PCSK9: variants seen among roughly 807,000 people sequenced by gnomAD.
PCSK9 encodes proprotein convertase subtilisin/kexin type 9.
In PCSK9, 57 loss-of-function variants were observed where a neutral mutation model predicts 62.1. The observed-to-expected ratio is 0.92, with a 90% confidence interval of 0.74 to 1.14. The LOEUF is 1.14. Ranked by LOEUF, PCSK9 falls within the 50% of genes most tolerant of loss-of-function variation. The probability of loss-of-function intolerance (pLI) is 0.00; values close to 1 mark genes in which losing one functional copy is unlikely to be tolerated. For missense variants in PCSK9, 870 were observed against 959.8 expected, an observed-to-expected ratio of 0.91 and a Z score of 1.24; for synonymous variants, 387 against 409.4, an observed-to-expected ratio of 0.95 and a Z score of 0.66.
intron 10 of PCSK9, among the ~76,000 whole-genome samples, chr1:55,060,603 G>A (rs796213013): frequency 5.3e-5 from 8 of 152,198 alleles, no homozygotes; most frequent in East Asian, 1.9e-4. Context: ...CTCTAATCAC[G>A]CTCCCCTTTG....
chr1:55,059,792 G>T, intron 10 of PCSK9, 129 bp downstream of exon 10: 1 of 1,221,860 alleles, frequency 8.2e-7, no homozygotes, highest in Non-Finnish European at 1.1e-6. Flanking sequence ...CCATACTCTG[G>T]TTCTGCCACT....
At chr1:55,053,501 G>A (rs499883) in intron 5 of PCSK9, among the ~76,000 whole-genome samples, 90,540 of 152,010 alleles carry the variant, frequency 0.6, 27,390 homozygotes, top group East Asian at 0.79. Context: ...TGCCAGGGTC[G>A]CACAGCTCAA....
intron 3 of PCSK9, chr1:55,051,003 G>A (rs1644668955): frequency 7.8e-6 from 3 of 385,858 alleles, no homozygotes; most frequent in Non-Finnish European, 1.5e-5. Context: ...GGTGGAGATT[G>A]GAGAAATGTG....
chr1:55,056,009 GA>G lies in PCSK9; in HGVS notation c.820del (p.Ser274AlafsTer73), dbSNP rs746504242. The G allele has an allele frequency of 1.1e-5, 18 of 1,609,758 alleles. No homozygotes were observed. The highest frequency in any genetic ancestry group is 1.4e-5 in the Non-Finnish European group (17 of 1,177,598). On this transcript the variant is annotated frameshift_variant, in exon 6 of 12. Coordinates refer to ENST00000302118, the MANE Select transcript of PCSK9 (RefSeq NM_174936.4). LOFTEE classifies it high-confidence loss of function. ...GTLIGLEFIR[K>X]SQLVQPVGPL... ...TCCTCCCAGGCCTGGAGTTTATTCG[GA>G]AAAGCCAGCTGGTCCAGCCTGTGGG...
In PCSK9 at chr1:55,060,587, G is replaced by A. The variant is rs545205844; in HGVS notation, c.1682-788G>A. 4.6e-5 allele frequency among the ~76,000 whole-genome samples: 7 copies of A among 152,230 alleles called. No individual in the cohort carries two copies. In the East Asian group the frequency reaches 7.7e-4, roughly 17 times the overall value. On this transcript the variant is annotated intron_variant, in intron 10 of 11. Coordinates refer to ENST00000302118, the MANE Select transcript of PCSK9 (RefSeq NM_174936.4). ...GGGGTCCTGGCTTGGAGGGAAGTCC[G>A]CCATGCTCTAATCACGCTCCCCTTT...
chr1:55,052,661 T>A lies in PCSK9; in HGVS notation c.669T>A (p.Cys223Ter). ...GTRFHRQASK[C>*]DSHGTHLAGV... Reference sequence around the variant, plus strand: ...TGTTCGTCGAGCAGGCCAGCAAGTGTGACAGTCATGGCACCCACCTGGCAG... The same window carrying A: ...TGTTCGTCGAGCAGGCCAGCAAGTGAGACAGTCATGGCACCCACCTGGCAG... Residue 223 changes from cysteine to a stop codon, truncating the protein, a stop_gained, in exon 5 of 12, where the codon TGT becomes TGA. Transcript: ENST00000302118. LOFTEE classifies it high-confidence loss of function. The A allele has an allele frequency of 6.2e-7, 1 of 1,613,092 alleles. No individual in the cohort carries two copies. Among genetic ancestry groups the A allele is most frequent in the Non-Finnish European group, 8.5e-7 (1 of 1,179,794 alleles).
chr1:55,056,952 G>T (rs1035912762), intron 6 of PCSK9, among the ~76,000 whole-genome samples: 2 of 152,120 alleles, frequency 1.3e-5, no homozygotes, highest in African/African-American at 4.8e-5. Context: ...GCCTATCAAG[G>T]CTTCCCTGGC....
In PCSK9 at chr1:55,059,554, C is replaced by T. The variant is rs1337578581; in HGVS notation, c.1572C>T (p.Ala524=). The T allele has an allele frequency of 1.3e-6, 2 of 1,558,220 alleles. No homozygotes were observed. Among genetic ancestry groups the T allele is most frequent in the Admixed American group, 3.9e-5 (2 of 51,436 alleles). Reference sequence around the variant, plus strand: ...GGGGTGAGGGTGTCTACGCCATTGCCAGGTGCTGCCTGCTACCCCAGGCCA... The same window carrying T: ...GGGGTGAGGGTGTCTACGCCATTGCTAGGTGCTGCCTGCTACCCCAGGCCA... The part of the protein sequence containing the change: ...AFGGEGVYAI[A]RCCLLPQANC... Residue 524 remains alanine, a synonymous_variant, in exon 10 of 12, where the codon GCC becomes GCT. Transcript: ENST00000302118.
At chr1:55,054,374 T>G (rs1286683892) in intron 5 of PCSK9, among the ~76,000 whole-genome samples, 1 of 151,798 alleles carries the variant, frequency 6.6e-6, no homozygotes, top group African/African-American at 2.4e-5. Context: ...TAGAGCGAGA[T>G]TCCATCTCAA....
intron 6 of PCSK9, among the ~76,000 whole-genome samples, chr1:55,056,552 C>A (rs1644716764): frequency 6.6e-6 from 1 of 152,206 alleles, no homozygotes; most frequent in Admixed American, 6.5e-5. Context: ...GCGTCCTCTG[C>A]CCAATACTCT....
Position 55,040,011 on chromosome 1 carries a change from CG to C in PCSK9, c.176del (p.Gly59GlufsTer24). 6.3e-7 allele frequency: 1 copy of C among 1,576,428 alleles called. No homozygotes were observed. Among genetic ancestry groups the C allele is most frequent in the Non-Finnish European group, 8.6e-7 (1 of 1,161,710 alleles). On this transcript the variant is annotated frameshift_variant, in exon 1 of 12. Transcript: ENST00000302118. LOFTEE classifies it high-confidence loss of function. The surrounding 1 kb of genome is among the most constrained non-coding windows in gnomAD (Gnocchi z 4.1). Reference protein sequence around the residue: ...EDGLAEAPEHGTTATFHRCAK... With the variant: ...EDGLAEAPEHXTTATFHRCAK... ...ACGGCCTGGCCGAAGCACCCGAGCA[CG>C]GAACCACAGCCACCTTCCACCGCTG...
rs553478757 is a variant in PCSK9 at position 55,045,771 on chromosome 1, C to T, written c.400-752C>T. On this transcript the variant is annotated intron_variant, in intron 2 of 11. Transcript: ENST00000302118. ...GTGCCATATCTGCACCTCTGCCTCC[C>T]GGGTTCAAGCTCACTGCAACCTCTG... 5.3e-5 allele frequency among the ~76,000 whole-genome samples: 8 copies of T among 151,752 alleles called. 1 individual carries two copies. The highest frequency in any genetic ancestry group is 6.8e-3 in the Middle Eastern group (2 of 294).
chr1:55,041,079 C>G (rs929911725), intron 1 of PCSK9, among the ~76,000 whole-genome samples: 1 of 152,202 alleles, frequency 6.6e-6, no homozygotes, highest in South Asian at 2.1e-4. Flanking sequence ...AGGTGACAAT[C>G]GTCCCTACGG....
chr1:55,058,508 T>A lies in PCSK9; in HGVS notation c.1364T>A (p.Leu455Gln). ...PPSTHGAGWQ[L>Q]FCRTVWSAHS... ...CAGGCCCTTTTTGCAGGTTGGCAGC[T>A]GTTTTGCAGGACTGTATGGTCAGCA... The change falls in exon 9 of 12, where the codon CTG becomes CAG. Residue 455 changes from leucine (L) to glutamine (Q), a missense_variant. Physicochemically the swap from Leu to Gln is moderately radical, Grantham distance 113 (BLOSUM62 -2). Coordinates refer to ENST00000302118, the MANE Select transcript of PCSK9 (RefSeq NM_174936.4). The A allele has an allele frequency of 6.2e-7, 1 of 1,612,194 alleles. No homozygotes were observed. Among genetic ancestry groups the A allele is most frequent in the Non-Finnish European group, 8.5e-7 (1 of 1,180,024 alleles).
rs1284837929 is a variant in PCSK9 at position 55,056,055 on chromosome 1, C to A, written c.862C>A (p.Pro288Thr). ...QPVGPLVVLL[P>T]LAGGYSRVLN... ...TGTGGGGCCACTGGTGGTGCTGCTG[C>A]CCCTGGCGGGTGGGTACAGCCGCGT... The change falls in exon 6 of 12, where the codon CCC becomes ACC. Residue 288 changes from proline to threonine, a missense_variant. Pro to Thr is a conservative substitution (Grantham distance 38, BLOSUM62 -1). Transcript: ENST00000302118. 1 of 1,608,022 alleles carries A rather than the reference C, an allele frequency of 6.2e-7. No individual in the cohort carries two copies. Among genetic ancestry groups the A allele is most frequent in the Non-Finnish European group, 8.5e-7 (1 of 1,176,428 alleles).
Position 55,059,493 on chromosome 1 carries a change from G to T in PCSK9, c.1511G>T (p.Gly504Val). 1 of 1,564,138 alleles carries T rather than the reference G, an allele frequency of 6.4e-7. No individual in the cohort carries two copies. Reference protein sequence around the residue: ...KRRGERMEAQGGKLVCRAHNA... With the variant: ...KRRGERMEAQVGKLVCRAHNA... ...TCCGTCTTTGACTCTAAGGCCCAAG[G>T]GGGCAAGCTGGTCTGCCGGGCCCAC... is the stretch of plus-strand genomic sequence containing the variant. Residue 504 changes from glycine (G) to valine (V), a missense_variant, in exon 10 of 12, where the codon GGG (glycine) becomes GTG (valine). Coordinates refer to ENST00000302118, the MANE Select transcript of PCSK9 (RefSeq NM_174936.4).
At chr1:55,054,674 C>T (rs1333057510) in intron 5 of PCSK9, among the ~76,000 whole-genome samples, 1 of 152,222 alleles carries the variant, frequency 6.6e-6, no homozygotes, top group Non-Finnish European at 1.5e-5. Context: ...AGTCTCCAGG[C>T]CACTGGGCCA....
chr1:55,063,369 G>A lies in PCSK9; in HGVS notation c.1864G>A (p.Val622Met), dbSNP rs1644776892. The A allele has an allele frequency of 6.2e-7, 1 of 1,613,408 alleles. No individual in the cohort carries two copies. The highest frequency in any genetic ancestry group is 1.3e-5 in the African/African-American group (1 of 74,930). ...CTTTCTTTTCCTCGGGCTCTGGCAG[G>A]TGACCGTGGCCTGCGAGGAGGGCTG... is the stretch of plus-strand genomic sequence containing the variant. ...EHGIPAPQEQ[V>M]TVACEEGWTL... is the part of the protein sequence containing the mutation. The change falls in exon 12 of 12, where the codon GTG (valine) becomes ATG (methionine). Residue 622 changes from valine (V) to methionine (M), a missense_variant and splice_region_variant. By Grantham distance (21) the Val-to-Met change is conservative. Coordinates refer to ENST00000302118, the MANE Select transcript of PCSK9 (RefSeq NM_174936.4).
rs757213359 is a variant in PCSK9, at chr1:55,064,812, T to A, written c.*1228T>A. 1 of 152,218 alleles carries A rather than the reference T, an allele frequency of 6.6e-6. No individual in the cohort carries two copies. The highest frequency in any genetic ancestry group is 6.5e-5 in the Admixed American group (1 of 15,286). 9.4% of individuals were successfully genotyped at this position (152,218 alleles called of 1,614,324 possible). On this transcript the variant is annotated 3_prime_UTR_variant, in exon 12 of 12. Coordinates refer to ENST00000302118, the MANE Select transcript of PCSK9 (RefSeq NM_174936.4). ...GGGTTTTGTAGCATTTTTATTAATA[T>A]GGTGACTTTTTAAAATAAAAACAAA... is the stretch of plus-strand genomic sequence containing the variant.
Sources: gnomAD v4.1 joint callset for allele counts (sites outside exome capture counted in the v4.1 genomes callset) on GRCh38, gnomAD v4.1.1 for gene constraint, Gnocchi (gnomAD v3.1) non-coding constraint, MANE v1.5 for transcripts, NCBI Gene and HGNC (gene_info 2026-07-23, HGNC 2026-07-21) for gene names.